Variants in KIF9 observed in about 807,000 individuals in gnomAD.
KIF9 encodes the protein kinesin-like protein KIF9.
A neutral mutation model predicts 94.8 loss-of-function variants in KIF9; 68 were observed. The observed-to-expected ratio is 0.72, with a 90% CI of 0.59 to 0.88. The LOEUF (loss-of-function observed/expected upper bound fraction) is 0.88, where lower values mean the gene tolerates loss of function less well. Ranked by LOEUF, KIF9 falls within the 40% of genes least tolerant of loss-of-function variation. The pLI is 0.00. For missense variants in KIF9, 882 were observed against 982.5 expected (o/e 0.90, Z 1.37); for synonymous variants, 343 against 362.1 (o/e 0.95, Z 0.60).
chr3:47,277,365 T>C lies in KIF9; in HGVS notation c.10A>G (p.Arg4Gly). 1 of 1,612,988 alleles carries C rather than the reference T, an allele frequency of 6.2e-7. No homozygotes were observed. Among genetic ancestry groups the C allele is most frequent in the African/African-American group, 1.3e-5 (1 of 75,028 alleles). ...CGGACAAATGCATGAACTTTTTTCC[T>C]AGTACCCATTCTAGCTAAAAAGAAG... MGT[R>G]KKVHAFVRVK... Residue 4 changes from arginine to glycine, a missense_variant, in exon 2 of 21, where the codon AGG becomes GGG. By Grantham distance (125) the Arg-to-Gly change is moderately radical (BLOSUM62 -2). Transcript: ENST00000684063.
At chr3:47,239,629 C>G (rs1019429731) in intron 17 of KIF9, 12 of 1,048,008 alleles carry the variant, frequency 1.1e-5, no homozygotes, top group South Asian at 2.4e-5. Flanking sequence ...CATCTGTCAC[C>G]CAGACTGGAG....
intron 10 of KIF9, among the ~76,000 whole-genome samples, chr3:47,254,120 G>A (rs953635115): frequency 2.0e-5 from 3 of 152,206 alleles, no homozygotes; most frequent in Admixed American, 6.5e-5. Context: ...CATGGATTGT[G>A]TTATCTACCC....
chr3:47,277,423 A>G (rs1451516414), intron 1 of KIF9, 44 bp from the exon 2 acceptor site: 1 of 1,327,562 alleles, frequency 7.5e-7, no homozygotes, highest in South Asian at 1.2e-5. Flanking sequence ...TCATTATCAA[A>G]TAACAAGTAG....
At chr3:47,280,581 C>T (rs760948854) in intron 1 of KIF9, among the ~76,000 whole-genome samples, 2 of 152,206 alleles carry the variant, frequency 1.3e-5, no homozygotes, top group South Asian at 2.1e-4. Flanking sequence ...GTGGTGCACG[C>T]GTGTGGTCCC....
intron 5 of KIF9, among the ~76,000 whole-genome samples, chr3:47,269,401 C>T (rs1019531186): frequency 2.0e-5 from 3 of 152,102 alleles, no homozygotes; most frequent in African/African-American, 7.2e-5. Context: ...CCCACCTCAG[C>T]TTCCCAAGCA....
chr3:47,265,698 C>A (rs1286447760), intron 8 of KIF9, 32 bp downstream of exon 8: 1 of 1,608,846 alleles, frequency 6.2e-7, no homozygotes, highest in South Asian at 1.1e-5. Flanking sequence ...GACACAGACC[C>A]TCCTCCCTGG....
In KIF9 at chr3:47,273,627, A is replaced by G; in HGVS notation, c.291T>C (p.Ala97=). Residue 97 remains alanine, a synonymous_variant, in exon 4 of 21, where the codon GCT becomes GCC. Coordinates refer to ENST00000684063, the MANE Select transcript of KIF9 (RefSeq NM_182902.4). ...GTIMCYGQTG[A]GKTYTMMGAT... is the part of the protein sequence containing the mutation. ...CCCCCATCATGGTGTATGTCTTGCC[A>G]GCTCCCGTCTGCCCATAACACATGA... 1 of 1,614,112 alleles carries G rather than the reference A, an allele frequency of 6.2e-7. No homozygotes were observed. The highest frequency in any genetic ancestry group is 8.5e-7 in the Non-Finnish European group (1 of 1,180,002).
intron 1 of KIF9, among the ~76,000 whole-genome samples, chr3:47,279,397 A>G (rs967224541): frequency 1.1e-4 from 17 of 150,280 alleles, no homozygotes; most frequent in Non-Finnish European, 1.9e-4. Flanking sequence ...GAATTGCTTG[A>G]ATCTGGAGGG....
intron 4 of KIF9, 67 bp from the exon 5 acceptor site, chr3:47,271,528 C>A (rs1016732344): frequency 8.9e-7 from 1 of 1,119,718 alleles, no homozygotes; most frequent in Admixed American, 1.7e-5. Context: ...ATAAGGGGGG[C>A]TTCCTAACTC....
intron 9 of KIF9, among the ~76,000 whole-genome samples, chr3:47,262,104 C>T (rs181156811): frequency 3.4e-4 from 52 of 152,052 alleles, no homozygotes; most frequent in Admixed American, 1.3e-3. Flanking sequence ...CACAAGCCCC[C>T]GGAGACTGCG....
intron 15 of KIF9, 73 bp from the exon 16 acceptor site, chr3:47,243,318 T>C: frequency 1.5e-6 from 2 of 1,304,142 alleles, no homozygotes; most frequent in South Asian, 3.0e-5. Flanking sequence ...TGAGTGACCT[T>C]TCTCAGCACT....
intron 7 of KIF9, 33 bp from the exon 8 acceptor site, chr3:47,265,910 G>A (rs758024001): frequency 6.2e-7 from 1 of 1,611,438 alleles, no homozygotes. Context: ...ACTTTGGATG[G>A]AATAAAGCAG....
At chr3:47,276,888 A>T (rs1306543865) in intron 2 of KIF9, among the ~76,000 whole-genome samples, 7 of 152,200 alleles carry the variant, frequency 4.6e-5, no homozygotes, top group African/African-American at 1.7e-4. Flanking sequence ...TTCTCTTGAT[A>T]AGTATTTCTC....
At chr3:47,278,234 G>T (rs2107528844) in intron 1 of KIF9, among the ~76,000 whole-genome samples, 1 of 152,038 alleles carries the variant, frequency 6.6e-6, no homozygotes, top group South Asian at 2.1e-4. Flanking sequence ...ACTGTGCCCG[G>T]CTAGTTTTCT....
chr3:47,278,840 C>T (rs1186389600), intron 1 of KIF9, among the ~76,000 whole-genome samples: 2 of 151,968 alleles, frequency 1.3e-5, no homozygotes, highest in Non-Finnish European at 2.9e-5. Context: ...GTTGTGGTGG[C>T]AGACGCCTGT....
intron 20 of KIF9, among the ~76,000 whole-genome samples, chr3:47,233,385 A>AAAAAAAT (rs1698758483): frequency 1.4e-5 from 2 of 147,030 alleles, no homozygotes; most frequent in Non-Finnish European, 3.0e-5. Flanking sequence ...AAAAAAAAAA[A>AAAAAAAT]AGTTCCTAAA....
chr3:47,280,835 C>A, intron 1 of KIF9: 1 of 692,224 alleles, frequency 1.4e-6, no homozygotes, highest in South Asian at 1.5e-5. Context: ...CCAAGCAGGC[C>A]AGGAGCCATA....
intron 5 of KIF9, among the ~76,000 whole-genome samples, chr3:47,268,398 C>G (rs1352282174): frequency 2.0e-5 from 3 of 152,098 alleles, no homozygotes; most frequent in African/African-American, 7.2e-5. Flanking sequence ...GGGGGACAGC[C>G]CCCCCTGGGG....
intron 16 of KIF9, among the ~76,000 whole-genome samples, chr3:47,241,843 AAT>A (rs372935276): frequency 0.06 from 7,602 of 125,834 alleles, 449 homozygotes; most frequent in Admixed American, 0.19. Context: ...ACATATATAA[AAT>A]ATATATATAT....
Sources: allele counts gnomAD v4.1 joint callset (sites outside exome capture counted in the v4.1 genomes callset), GRCh38; gene constraint gnomAD v4.1.1; transcripts MANE v1.5; gene names NCBI Gene and HGNC (gene_info 2026-07-23, HGNC 2026-07-21).